EIF4E3: variants seen among roughly 807,000 people sequenced by gnomAD.
EIF4E3 encodes the protein eukaryotic translation initiation factor 4E family member 3.
Under a neutral mutation model 31.7 loss-of-function variants are expected in EIF4E3, and 26 were observed. That is an observed-to-expected ratio of 0.82 (90% CI 0.60 to 1.14). The LOEUF (loss-of-function observed/expected upper bound fraction) is 1.14. Ranked by LOEUF, EIF4E3 falls within the 50% of genes most tolerant of loss-of-function variation. EIF4E3 has a pLI of 0.00. For synonymous variants in EIF4E3, 128 were observed against 107.7 expected (o/e 1.19, Z -1.17); for missense variants, 304 against 270.9 (o/e 1.12, Z -0.86).
chr3:71,753,553 C>T (rs1215726206), exon 1 of EIF4E3: 1 of 151,064 alleles, frequency 6.6e-6, no homozygotes, highest in African/African-American at 2.4e-5. Context: ...TGCGGAGGCG[C>T]CCCCAGCCCA....
chr3:71,685,300 T>C (rs1057275647), intron 6 of EIF4E3, among the ~76,000 whole-genome samples: 3 of 152,150 alleles, frequency 2.0e-5, no homozygotes, highest in African/African-American at 4.8e-5. Flanking sequence ...CCCCTGCCAA[T>C]AGATATTCAG....
intron 1 of EIF4E3, among the ~76,000 whole-genome samples, chr3:71,717,985 C>T (rs1223845347): frequency 6.6e-6 from 1 of 152,220 alleles, no homozygotes; most frequent in African/African-American, 2.4e-5. Flanking sequence ...GCCCAATACA[C>T]AGGCACACAA....
At chr3:71,714,145 G>A (rs1365366637) in intron 1 of EIF4E3, among the ~76,000 whole-genome samples, 1 of 151,934 alleles carries the variant, frequency 6.6e-6, no homozygotes, top group Non-Finnish European at 1.5e-5. Context: ...CTGGGAGGCG[G>A]AGGTTGCAGT....
At chr3:71,733,779 A>T (rs1300792387) in intron 1 of EIF4E3, among the ~76,000 whole-genome samples, 1 of 152,268 alleles carries the variant, frequency 6.6e-6, no homozygotes, top group Non-Finnish European at 1.5e-5. Context: ...TTACTTCTTA[A>T]GAGCTAAGTA....
At chr3:71,670,588 A>C (rs555262028), downstream of EIF4E3, among the ~76,000 whole-genome samples, 1 of 152,340 alleles carries the variant, frequency 6.6e-6, no homozygotes, top group East Asian at 1.9e-4. Flanking sequence ...TTTTGTTAAA[A>C]TAAGCAGGTA....
chr3:71,678,850 AAAT>A lies in EIF4E3; in HGVS notation c.*5829_*5831del, dbSNP rs1421750523. 1 of 152,210 alleles carries A rather than the reference AAAT, an allele frequency of 6.6e-6. No homozygotes were observed. The highest frequency in any genetic ancestry group is 1.5e-5 in the Non-Finnish European group (1 of 68,036). The allele number at this position is 152,210 out of a possible 1,614,324, so 9.4% of individuals were successfully genotyped here. On this transcript the variant is annotated 3_prime_UTR_variant, in exon 7 of 7. Coordinates refer to ENST00000425534, the MANE Select transcript of EIF4E3 (RefSeq NM_001134651.2). ...CAATGTAAGATTTTAAATTTGGGAC[AAAT>A]AATGTTAGCTGTCTCAAGCTAAAGT...
chr3:71,743,006 A>G (rs1187810922), intron 1 of EIF4E3, among the ~76,000 whole-genome samples: 1 of 152,178 alleles, frequency 6.6e-6, no homozygotes, highest in Non-Finnish European at 1.5e-5. Context: ...TTCCTCATCT[A>G]TAGGCGCCTA....
intron 1 of EIF4E3, among the ~76,000 whole-genome samples, chr3:71,715,631 G>A (rs1008881577): frequency 1.3e-5 from 2 of 152,130 alleles, no homozygotes; most frequent in Admixed American, 6.5e-5. Flanking sequence ...ATCACATGCC[G>A]CCCTCCCACG....
chr3:71,674,090 C>CTTTTTTTTTTTT (rs71277509), downstream of EIF4E3, among the ~76,000 whole-genome samples: 2 of 25,054 alleles, frequency 8.0e-5, 1 homozygote, highest in Non-Finnish European at 1.9e-4. Context: ...ATCAACTGTA[C>CTTTTTTTTTTTT]TTTTTTTTTT....
In EIF4E3 at chr3:71,680,668, C is replaced by T. The variant is rs918171320; in HGVS notation, c.*4014G>A. On this transcript the variant is annotated 3_prime_UTR_variant, in exon 7 of 7. Coordinates refer to ENST00000425534, the MANE Select transcript of EIF4E3 (RefSeq NM_001134651.2). Reference sequence around the variant, plus strand: ...CTTCTTGGGAGAAGTAGAGGGGCAACCCACTCTAATTGCTATAAATGACCA... The same window carrying T: ...CTTCTTGGGAGAAGTAGAGGGGCAATCCACTCTAATTGCTATAAATGACCA... 2 of 152,138 alleles carry T rather than the reference C, an allele frequency of 1.3e-5. No homozygotes were observed. Among genetic ancestry groups the T allele is most frequent in the Non-Finnish European group, 2.9e-5 (2 of 68,016 alleles). The allele number at this position is 152,138 out of a possible 1,614,324, so 9.4% of individuals were successfully genotyped here.
chr3:71,721,854 C>T (rs569068025), intron 1 of EIF4E3, among the ~76,000 whole-genome samples: 1 of 152,140 alleles, frequency 6.6e-6, no homozygotes, highest in South Asian at 2.1e-4. Context: ...GACATGTGAG[C>T]AGAGGCTTGA....
intron 1 of EIF4E3, among the ~76,000 whole-genome samples, chr3:71,734,144 T>C: frequency 6.6e-6 from 1 of 152,232 alleles, no homozygotes; most frequent in South Asian, 2.1e-4. Flanking sequence ...TTGCTTTAAA[T>C]TTTCTTAGTG....
Position 71,684,498 on chromosome 3 carries a change from A to G in EIF4E3, c.*184T>C. The G allele has an allele frequency of 2.0e-6, 1 of 488,036 alleles. No individual in the cohort carries two copies. Among genetic ancestry groups the G allele is most frequent in the South Asian group, 6.1e-5 (1 of 16,376 alleles). The allele number at this position is 488,036 out of a possible 1,614,324, so 30.2% of individuals were successfully genotyped here. A position where few individuals can be genotyped will look rare whatever the true frequency, so the allele number is the denominator to read the frequency against. ...AAAAAGCAAGTAATGTGACGGTAGA[A>G]ACCCACACAATCTCCCCCCACCCCA... is the stretch of plus-strand genomic sequence containing the variant. On this transcript the variant is annotated 3_prime_UTR_variant, in exon 7 of 7. Transcript: ENST00000425534.
At chr3:71,689,605 A>G (rs1261676306) in intron 6 of EIF4E3, among the ~76,000 whole-genome samples, 1 of 152,204 alleles carries the variant, frequency 6.6e-6, no homozygotes, top group Non-Finnish European at 1.5e-5. Context: ...CTGCAAATAC[A>G]GATGTTATAC....
intron 2 of EIF4E3, among the ~76,000 whole-genome samples, chr3:71,707,344 C>T (rs2049307854): frequency 6.6e-6 from 1 of 152,178 alleles, no homozygotes; most frequent in Non-Finnish European, 1.5e-5. Flanking sequence ...ATTGTGACAA[C>T]CCTAGCCCAC....
chr3:71,726,128 G>C (rs1439116538), upstream of EIF4E3, among the ~76,000 whole-genome samples: 1 of 151,518 alleles, frequency 6.6e-6, no homozygotes, highest in Non-Finnish European at 1.5e-5. Context: ...CTGATTTGAA[G>C]GGGCCAGAGC....
chr3:71,673,870 TC>T (rs1386059417), downstream of EIF4E3, among the ~76,000 whole-genome samples: 1 of 149,276 alleles, frequency 6.7e-6, no homozygotes, highest in Non-Finnish European at 1.5e-5. Context: ...CTATTAACTT[TC>T]CTTTAAGGTA....
In EIF4E3 at chr3:71,719,684, T is replaced by C. The variant is rs180737812; in HGVS notation, c.176+5508A>G. Among the ~76,000 whole-genome samples the C allele has an allele frequency of 4.1e-3, 619 of 152,190 alleles. 6 individuals carry two copies. Among genetic ancestry groups the C allele is most frequent in the African/African-American group, 0.014 (597 of 41,512 alleles). On this transcript the variant is annotated intron_variant, in intron 1 of 6. Coordinates refer to ENST00000425534, the MANE Select transcript of EIF4E3 (RefSeq NM_001134651.2). ...ACGTGACCAGGAAGAGTGGACAGAC[T>C]GAGTGGTAATGTGGAGTTGAAGAGT...
At chr3:71,664,567 G>A in the EIF4E3 span, among the ~76,000 whole-genome samples, 1 of 150,792 alleles carries the variant, frequency 6.6e-6, no homozygotes, top group South Asian at 2.1e-4. Flanking sequence ...TGGGACTGTT[G>A]AGAGAGAGAG....
Sources: gnomAD v4.1 joint callset for allele counts (sites outside exome capture counted in the v4.1 genomes callset) on GRCh38, gnomAD v4.1.1 for gene constraint, MANE v1.5 for transcripts, NCBI Gene and HGNC (gene_info 2026-07-23, HGNC 2026-07-21) for gene names.